The following ABCB5 variants were observed in gnomAD, a reference collection of about 807,000 sequenced individuals.
ABCB5 encodes ATP-binding cassette sub-family B member 5.
Under a neutral mutation model 144.2 loss-of-function variants are expected in ABCB5, and 155 were observed. The ratio of observed to expected loss-of-function variants is 1.08; its 90% CI spans 0.94 to 1.23. The LOEUF is 1.23. ABCB5 is among the 50% of genes most tolerant of loss of function. ABCB5 has a pLI of 0.00. For missense variants in ABCB5, 1,830 were observed against 1,520.8 expected (o/e 1.20, Z -3.38); for synonymous variants, 610 against 528.6 (o/e 1.15, Z -2.11).
chr7:20,637,204 T>A (rs1197205750), intron 5 of ABCB5, among the ~76,000 whole-genome samples: 3 of 152,196 alleles, frequency 2.0e-5, no homozygotes, highest in Non-Finnish European at 4.4e-5. Flanking sequence ...AATCAGGAAC[T>A]AAAGAATTCT....
intron 15 of ABCB5, among the ~76,000 whole-genome samples, 173 bp downstream of exon 15, chr7:20,681,839 A>T (rs1160122321): frequency 6.6e-6 from 1 of 152,200 alleles, no homozygotes; most frequent in Non-Finnish European, 1.5e-5. Context: ...TGTGCTCAAT[A>T]ATATGATGAA....
At chr7:20,741,454 G>T (rs1782558505) in intron 24 of ABCB5, among the ~76,000 whole-genome samples, 2 of 151,546 alleles carry the variant, frequency 1.3e-5, no homozygotes, top group South Asian at 2.1e-4. Flanking sequence ...AAAACAAAAA[G>T]AAATTTTTTA....
At chr7:20,622,495 G>A (rs1231345621) in intron 1 of ABCB5, among the ~76,000 whole-genome samples, 1 of 152,022 alleles carries the variant, frequency 6.6e-6, no homozygotes, top group Non-Finnish European at 1.5e-5. Flanking sequence ...TTTTTCAGAT[G>A]CTTAGGTACT....
intron 1 of ABCB5, among the ~76,000 whole-genome samples, chr7:20,619,033 C>T (rs554710548): frequency 1.3e-5 from 2 of 152,010 alleles, no homozygotes; most frequent in Non-Finnish European, 2.9e-5. Context: ...CTTCGGCCTC[C>T]CAAACTGCTG....
chr7:20,710,873 G>A (rs117548992), intron 20 of ABCB5, among the ~76,000 whole-genome samples: 7 of 149,622 alleles, frequency 4.7e-5, no homozygotes, highest in Non-Finnish European at 8.9e-5. Context: ...GCCTTCTTTT[G>A]GATTAAAATT....
intron 20 of ABCB5, among the ~76,000 whole-genome samples, chr7:20,711,466 CTTTT>C (rs145446888): frequency 1.5e-5 from 2 of 135,552 alleles, no homozygotes; most frequent in Non-Finnish European, 3.2e-5. Context: ...TTCTTTCTTT[CTTTT>C]TTTTTTTTTG....
chr7:20,711,908 CCTTT>C (rs1212507028), intron 20 of ABCB5, among the ~76,000 whole-genome samples: 8 of 104,818 alleles, frequency 7.6e-5, no homozygotes, highest in African/African-American at 2.1e-4. Context: ...TTCCTTCCTT[CCTTT>C]CTTTCTCTCT....
chr7:20,668,980 G>T (rs1785347768), intron 14 of ABCB5, among the ~76,000 whole-genome samples: 1 of 116,538 alleles, frequency 8.6e-6, no homozygotes. Context: ...GAGGTGGGGG[G>T]GTCAGCCCCC....
At chr7:20,675,951 A>G (rs1785587237) in intron 14 of ABCB5, among the ~76,000 whole-genome samples, 1 of 152,124 alleles carries the variant, frequency 6.6e-6, no homozygotes, top group Admixed American at 6.5e-5. Flanking sequence ...AGGGAAATGT[A>G]AGTCAATACC....
chr7:20,699,527 C>G (rs564625263), intron 17 of ABCB5, among the ~76,000 whole-genome samples: 41 of 151,874 alleles, frequency 2.7e-4, no homozygotes, highest in Non-Finnish European at 5.7e-4. Context: ...ATAGTGAAAC[C>G]CCATCTCTAT....
rs987057359 is a variant in ABCB5, at chr7:20,704,725, A to G, written c.2339A>G (p.Asp780Gly). 4.2e-5 allele frequency: 67 copies of G among 1,612,752 alleles called. 1 individual carries two copies. The highest frequency in any genetic ancestry group is 5.6e-5 in the Non-Finnish European group (66 of 1,179,218). The change falls in exon 20 of 28, where the codon GAT (aspartate) becomes GGT (glycine). Residue 780 changes from aspartate to glycine, a missense_variant and splice_region_variant. Coordinates refer to ENST00000404938, the MANE Select transcript of ABCB5 (RefSeq NM_001163941.2). ...HLAFKAMLYQ[D>G]IAWFDEKENS... ...TATGTTAATTCTCCTTTTCTCTAGG[A>G]TATTGCCTGGTTTGATGAAAAGGAA...
chr7:20,633,264 T>C lies in ABCB5; in HGVS notation c.314+1151T>C, dbSNP rs116724700. On this transcript the variant is annotated intron_variant, in intron 5 of 27. Transcript: ENST00000404938. ...TTAGGTATTAAACAGTGTGATTTAT[T>C]TACTCAACATGTTCTGAGTTTCCTA... 4.1e-3 allele frequency among the ~76,000 whole-genome samples: 628 copies of C among 152,192 alleles called. 4 individuals carry two copies. Among genetic ancestry groups the C allele is most frequent in the African/African-American group, 0.015 (605 of 41,534 alleles).
chr7:20,634,354 A>C (rs1262395283), intron 5 of ABCB5, among the ~76,000 whole-genome samples: 1 of 151,940 alleles, frequency 6.6e-6, no homozygotes, highest in Non-Finnish European at 1.5e-5. Flanking sequence ...GGCTACAATA[A>C]ACATACAAGT....
intron 16 of ABCB5, among the ~76,000 whole-genome samples, chr7:20,694,869 G>C (rs1786354238): frequency 6.6e-6 from 1 of 151,856 alleles, no homozygotes; most frequent in South Asian, 2.1e-4. Context: ...TTAAATTATA[G>C]GGAATAAATG....
chr7:20,726,959 G>A (rs1782056265), intron 21 of ABCB5, 81 bp from the exon 22 acceptor site: 1 of 914,194 alleles, frequency 1.1e-6, no homozygotes, highest in Admixed American at 2.4e-5. Context: ...TGTCCCCAGT[G>A]TGAGTGACTA....
At chr7:20,617,389 C>T (rs905750117) in intron 1 of ABCB5, among the ~76,000 whole-genome samples, 3 of 152,108 alleles carry the variant, frequency 2.0e-5, no homozygotes, top group Non-Finnish European at 2.9e-5. Context: ...ATTCTGATGC[C>T]AGAGGTCCTT....
Position 20,659,119 on chromosome 7 carries a change from G to A in ABCB5, c.1707+443G>A, listed in dbSNP as rs772470134. On this transcript the variant is annotated intron_variant, in intron 14 of 27. Transcript: ENST00000404938. The stretch of plus-strand genomic sequence containing the variant: ...ATTTCACCTCAAGTGGAGAATCGCT[G>A]ACCTTGAACCAGCGCCCTTCGACAG... 14 of 1,613,866 alleles carry A rather than the reference G, an allele frequency of 8.7e-6. No individual in the cohort carries two copies. In the South Asian group the frequency reaches 1.4e-4, roughly 16 times the overall value.
chr7:20,644,047 T>C (rs1385609414), intron 7 of ABCB5, among the ~76,000 whole-genome samples: 4 of 152,062 alleles, frequency 2.6e-5, no homozygotes, highest in Non-Finnish European at 5.9e-5. Flanking sequence ...ACAATAAACA[T>C]CTTTTTATAT....
chr7:20,683,940 T>TG (rs11383927), intron 15 of ABCB5, among the ~76,000 whole-genome samples: 152,291 of 152,294 alleles, frequency 1, 76,144 homozygotes, highest in Middle Eastern at 1. Context: ...TGATGAACTC[T>TG]TGGTCACTAC....
Sources: allele counts gnomAD v4.1 joint callset (sites outside exome capture counted in the v4.1 genomes callset), GRCh38; gene constraint gnomAD v4.1.1; transcripts MANE v1.5; gene names NCBI Gene and HGNC (gene_info 2026-07-23, HGNC 2026-07-21).